Variants in DOCK2 observed in about 807,000 individuals in gnomAD.
DOCK2 encodes dedicator of cytokinesis protein 2.
In DOCK2, 87 loss-of-function variants were observed where a neutral mutation model predicts 248.9. The observed-to-expected ratio is 0.35, with a 90% CI of 0.29 to 0.42. The LOEUF (loss-of-function observed/expected upper bound fraction) is 0.42, where lower values mean the gene tolerates loss of function less well. DOCK2 is among the 10% of genes least tolerant of loss of function. DOCK2 has a pLI of 1.00. For missense variants in DOCK2, 1,747 were observed against 2,300.2 expected (o/e 0.76, Z 4.92); for synonymous variants, 805 against 821.6 (o/e 0.98, Z 0.35).
chr5:169,806,005 G>C (rs578050716), intron 26 of DOCK2, among the ~76,000 whole-genome samples: 2 of 152,104 alleles, frequency 1.3e-5, no homozygotes, highest in African/African-American at 4.8e-5. Context: ...GATGCTTTTG[G>C]TGAGCTTCAC....
intron 22 of DOCK2, among the ~76,000 whole-genome samples, chr5:169,736,083 C>T (rs1301557642): frequency 3.3e-5 from 5 of 152,120 alleles, no homozygotes; most frequent in Non-Finnish European, 1.5e-5. Context: ...GGAATCTGCC[C>T]CCATGATCCA....
intron 36 of DOCK2, among the ~76,000 whole-genome samples, chr5:170,037,280 TGGG>T: frequency 6.6e-6 from 1 of 151,942 alleles, no homozygotes; most frequent in Admixed American, 6.6e-5. Context: ...TTTGCAAAAA[TGGG>T]TTTATATTAC....
intron 23 of DOCK2, 125 bp downstream of exon 23, chr5:169,747,629 A>C (rs1038807000): frequency 3.9e-6 from 3 of 775,050 alleles, no homozygotes; most frequent in Non-Finnish European, 5.9e-6. Context: ...TGGGCTGGCC[A>C]CTAGGTTAAA....
intron 27 of DOCK2, among the ~76,000 whole-genome samples, chr5:169,861,950 T>A (rs1479878922): frequency 6.7e-6 from 1 of 149,330 alleles, no homozygotes; most frequent in Non-Finnish European, 1.5e-5. Flanking sequence ...TTTTTTTTTG[T>A]TGGGGAAGTG....
At chr5:169,909,557 T>C (rs1774477798) in intron 27 of DOCK2, among the ~76,000 whole-genome samples, 2 of 152,340 alleles carry the variant, frequency 1.3e-5, no homozygotes, top group African/African-American at 4.8e-5. Flanking sequence ...AAGGTGAGTA[T>C]TATTATCTGC....
intron 22 of DOCK2, among the ~76,000 whole-genome samples, chr5:169,723,614 G>T (rs775437032): frequency 7.9e-5 from 12 of 152,138 alleles, no homozygotes; most frequent in Non-Finnish European, 1.5e-4. Flanking sequence ...TGGACTTGCT[G>T]TGGCTCAAGC....
chr5:169,804,493 C>G (rs62384796), intron 26 of DOCK2, among the ~76,000 whole-genome samples: 3 of 50,892 alleles, frequency 5.9e-5, no homozygotes, highest in Non-Finnish European at 1.1e-4. Flanking sequence ...TGTGCGCGCG[C>G]GCGTGCGCGT....
chr5:169,961,884 C>A (rs1041095319), intron 27 of DOCK2, among the ~76,000 whole-genome samples: 1 of 147,424 alleles, frequency 6.8e-6, no homozygotes, highest in Admixed American at 6.9e-5. Context: ...GAGGCTGAGG[C>A]AGGAGAATCA....
intron 27 of DOCK2, among the ~76,000 whole-genome samples, chr5:169,982,306 C>G (rs1488542946): frequency 6.6e-6 from 1 of 152,110 alleles, no homozygotes; most frequent in East Asian, 1.9e-4. Flanking sequence ...AAAACTCACC[C>G]TGATATGGAC....
intron 22 of DOCK2, among the ~76,000 whole-genome samples, chr5:169,739,230 T>A (rs921048079): frequency 1.1e-4 from 17 of 152,218 alleles, no homozygotes; most frequent in African/African-American, 4.1e-4. Flanking sequence ...TGGCATTTCT[T>A]GGGCCGTTGT....
At chr5:170,075,714 C>T (rs755027595) in intron 46 of DOCK2, 1 of 505,054 alleles carries the variant, frequency 2.0e-6, no homozygotes, top group Non-Finnish European at 3.5e-6. Flanking sequence ...GTCCAGCCCT[C>T]CTATGAGGCA....
chr5:169,702,225 C>G, intron 13 of DOCK2, 78 bp from the exon 14 acceptor site: 1 of 1,539,058 alleles, frequency 6.5e-7, no homozygotes, highest in Non-Finnish European at 8.8e-7. Context: ...TCTTCTCACC[C>G]TCCATCCCCT....
chr5:169,910,927 C>T lies in DOCK2; in HGVS notation c.2799+70075C>T, dbSNP rs926302019. Reference sequence around the variant, plus strand: ...CTCAGAACACTATCCTCACAAGGCACAATTTCTGAGTCCTTCCTATATCTG... The same window carrying T: ...CTCAGAACACTATCCTCACAAGGCATAATTTCTGAGTCCTTCCTATATCTG... On this transcript the variant is annotated intron_variant, in intron 27 of 51. Transcript: ENST00000520908. Among the ~76,000 whole-genome samples, 2 of 152,254 alleles carry T rather than the reference C, an allele frequency of 1.3e-5. 1 individual carries two copies. The highest frequency in any genetic ancestry group is 1.3e-4 in the Admixed American group (2 of 15,296).
chr5:170,012,518 T>C (rs1019224008), intron 32 of DOCK2, among the ~76,000 whole-genome samples: 3 of 152,198 alleles, frequency 2.0e-5, no homozygotes, highest in African/African-American at 7.2e-5. Context: ...ATTGCAAAGC[T>C]ATAATCTCAG....
intron 26 of DOCK2, among the ~76,000 whole-genome samples, chr5:169,814,201 A>G (rs1258934880): frequency 6.6e-6 from 1 of 152,222 alleles, no homozygotes; most frequent in Non-Finnish European, 1.5e-5. Context: ...CAAATGAGCA[A>G]AGGGAAACCA....
intron 27 of DOCK2, among the ~76,000 whole-genome samples, chr5:169,873,526 A>AT (rs1772117145): frequency 6.6e-6 from 1 of 152,114 alleles, no homozygotes; most frequent in Admixed American, 6.5e-5. Context: ...CTTTATCATT[A>AT]TTTTTTACTG....
At chr5:169,747,247 A>G in intron 22 of DOCK2, 149 bp from the exon 23 acceptor site, 1 of 626,456 alleles carries the variant, frequency 1.6e-6, no homozygotes, top group Non-Finnish European at 2.7e-6. Context: ...AGAATGATGC[A>G]CGCAGCATCT....
intron 41 of DOCK2, among the ~76,000 whole-genome samples, chr5:170,052,310 GT>G (rs1756947023): frequency 1.3e-5 from 2 of 152,150 alleles, no homozygotes; most frequent in Admixed American, 1.3e-4. Flanking sequence ...TATGAATTTG[GT>G]TATAGGCGAG....
chr5:170,051,651 T>C (rs1397997358), intron 41 of DOCK2, among the ~76,000 whole-genome samples: 2 of 152,170 alleles, frequency 1.3e-5, no homozygotes, highest in African/African-American at 2.4e-5. Flanking sequence ...TAAACGTGCA[T>C]GGAGGTGAGC....
Sources: gnomAD v4.1 joint callset for allele counts (sites outside exome capture counted in the v4.1 genomes callset) on GRCh38, gnomAD v4.1.1 for gene constraint, MANE v1.5 for transcripts, NCBI Gene and HGNC (gene_info 2026-07-23, HGNC 2026-07-21) for gene names.